Variants in HSP90B1 observed in about 807,000 individuals in gnomAD.
HSP90B1 encodes heat shock protein 90 beta family member 1.
A neutral mutation model predicts 100.4 loss-of-function variants in HSP90B1; 27 were observed. The ratio of observed to expected loss-of-function variants is 0.27; its 90% CI spans 0.20 to 0.37. The LOEUF (loss-of-function observed/expected upper bound fraction) is 0.37. Ranked by LOEUF, HSP90B1 falls within the 10% of genes least tolerant of loss-of-function variation. The pLI, the probability that HSP90B1 is intolerant of heterozygous loss-of-function variation, is 1.00. For missense variants in HSP90B1, 678 were observed against 960.5 expected (o/e 0.71, Z 3.89); for synonymous variants, 304 against 330.8 (o/e 0.92, Z 0.88).
chr12:103,941,574 G>T (rs773881030), intron 9 of HSP90B1, 27 bp downstream of exon 9: 1 of 1,613,794 alleles, frequency 6.2e-7, no homozygotes, highest in Non-Finnish European at 8.5e-7. Context: ...TACATGCTGC[G>T]TTTAAAATTT....
chr12:103,945,384 A>C (rs1417519567), intron 14 of HSP90B1, among the ~76,000 whole-genome samples: 2 of 152,218 alleles, frequency 1.3e-5, no homozygotes, highest in Non-Finnish European at 2.9e-5. Context: ...CAGGATAGGG[A>C]AGGATGTGGT....
chr12:103,931,595 T>A lies in HSP90B1; in HGVS notation c.124T>A (p.Ser42Thr). ...GGATCTGGGTAAAAGTAGAGAAGGA[T>A]CAAGGACGGATGATGAAGTAGTACA... ...EEDLGKSREG[S>T]RTDDEVVQRE... is the part of the protein sequence containing the mutation. Residue 42 changes from serine to threonine, a missense_variant, in exon 2 of 18, where the codon TCA becomes ACA. Around this residue, in one of 8 missense-constraint regions of HSP90B1, gnomAD observed 88 missense variants for 88.2 expected, o/e 1.00. Transcript: ENST00000299767. 1 of 1,613,420 alleles carries A rather than the reference T, an allele frequency of 6.2e-7. No homozygotes were observed. Among genetic ancestry groups the A allele is most frequent in the Non-Finnish European group, 8.5e-7 (1 of 1,179,420 alleles).
At chr12:103,942,142 A>G (rs1870098611) in intron 11 of HSP90B1, among the ~76,000 whole-genome samples, 1 of 152,230 alleles carries the variant, frequency 6.6e-6, no homozygotes. Flanking sequence ...ACATTTTGTC[A>G]TCTAGACACA....
In HSP90B1 at chr12:103,942,391, T is replaced by A. The variant is rs940391301; in HGVS notation, c.1375-136T>A. ...GCCCAATCTGAATGAATTGGAGTGC[T>A]TCACCATTTCCTGCCCCTCAATAAA... is the stretch of plus-strand genomic sequence containing the variant. On this transcript the variant is annotated intron_variant, in intron 11 of 17. Coordinates refer to ENST00000299767, the MANE Select transcript of HSP90B1 (RefSeq NM_003299.3). The A allele has an allele frequency of 5.3e-6, 4 of 757,696 alleles. No individual in the cohort carries two copies. In the Admixed American group the frequency reaches 1.1e-4, roughly 21 times the overall value. 46.9% of individuals were successfully genotyped at this position (757,696 alleles called of 1,614,324 possible).
rs149843361 is a variant in HSP90B1, at chr12:103,937,695, C to T, written c.744C>T (p.Thr248=). 6.6e-7 allele frequency: 1 copy of T among 1,519,824 alleles called. No homozygotes were observed. The highest frequency in any genetic ancestry group is 1.1e-5 in the South Asian group (1 of 87,994). The allele number at this position is 1,519,824 out of a possible 1,614,324, so 94.1% of individuals were successfully genotyped here. ...TCTAAACATCGAATTTTTCTTGCAG[C>T]CTTGTCTTAAAAGAAGAAGCATCTG... ...GNTLGRGTTI[T]LVLKEEASDY... Residue 248 remains threonine, a splice_region_variant and synonymous_variant, in exon 6 of 18, where the codon ACC becomes ACT. Transcript: ENST00000299767.
At chr12:103,946,205 A>T (rs1215777820) in intron 14 of HSP90B1, among the ~76,000 whole-genome samples, 1 of 151,992 alleles carries the variant, frequency 6.6e-6, no homozygotes, top group Middle Eastern at 3.2e-3. Flanking sequence ...TCCGAGGTTG[A>T]TTGACTCTGC....
Position 103,941,515 on chromosome 12 carries a change from G to C in HSP90B1, c.1198G>C (p.Glu400Gln), listed in dbSNP as rs374437641. Residue 400 changes from glutamate to glutamine, a missense_variant, in exon 9 of 18, where the codon GAA (glutamate) becomes CAA (glutamine). Physicochemically the swap from Glu to Gln is conservative, Grantham distance 29. Around this residue, in one of 8 missense-constraint regions of HSP90B1, gnomAD observed 44 missense variants for 110.8 expected, o/e 0.40. Coordinates refer to ENST00000299767, the MANE Select transcript of HSP90B1 (RefSeq NM_003299.3). ...PTSAPRGLFD[E>Q]YGSKKSDYIK... ...ATCTGCTCCACGTGGTCTGTTTGAC[G>C]AATATGGATCTAAAAAGAGCGATTA... The C allele has an allele frequency of 1.2e-6, 2 of 1,614,066 alleles. No homozygotes were observed. Among genetic ancestry groups the C allele is most frequent in the Non-Finnish European group, 1.7e-6 (2 of 1,179,978 alleles).
chr12:103,932,455 T>C, intron 3 of HSP90B1, 37 bp downstream of exon 3: 2 of 1,555,582 alleles, frequency 1.3e-6, no homozygotes, highest in African/African-American at 1.4e-5. Flanking sequence ...TATCTCTGTA[T>C]GGTGGCATAC....
At chr12:103,941,158 T>C (rs927093050) in intron 8 of HSP90B1, among the ~76,000 whole-genome samples, 2 of 152,228 alleles carry the variant, frequency 1.3e-5, no homozygotes, top group African/African-American at 4.8e-5. Context: ...TAGGAAATAA[T>C]GTTATTGACA....
In HSP90B1 at chr12:103,943,779, G is replaced by A. The variant is rs146313005; in HGVS notation, c.1932G>A (p.Pro644=). 1.0e-4 allele frequency: 163 copies of A among 1,613,900 alleles called. No homozygotes were observed. The African/African-American group carries it at 1.2e-3, about 12-fold the overall frequency. Residue 644 remains proline (P), a synonymous_variant, in exon 14 of 18, where the codon CCG becomes CCA. Coordinates refer to ENST00000299767, the MANE Select transcript of HSP90B1 (RefSeq NM_003299.3). This position sits in a 1 kb window ranked among gnomAD's most constrained non-coding sequence, Gnocchi z 5.3. ...TGTCTCAGCGCCTGACAGAATCTCC[G>A]TGTGCTTTGGTGGCCAGCCAGTACG... The part of the protein sequence containing the change: ...AVVSQRLTES[P]CALVASQYGW...
In HSP90B1 at chr12:103,931,466, T is replaced by G. The variant is rs1395006302; in HGVS notation, c.50-55T>G. The G allele has an allele frequency of 3.6e-6, 5 of 1,397,356 alleles. No individual in the cohort carries two copies. In the East Asian group the frequency reaches 1.1e-4, roughly 32 times the overall value. The allele number at this position is 1,397,356 out of a possible 1,614,324, so 86.6% of individuals were successfully genotyped here. A position where few individuals can be genotyped will look rare whatever the true frequency, so the allele number is the denominator to read the frequency against. ...GCAACCCCTACCCTTCCCTATTTGA[T>G]CATCCTCCTTGGAGAAGTGTGATGT... On this transcript the variant is annotated intron_variant, in intron 1 of 17. Transcript: ENST00000299767.
rs141949667 is a variant in HSP90B1, at chr12:103,943,773, A to T, written c.1926A>T (p.Glu642Asp). The T allele has an allele frequency of 1.8e-5, 29 of 1,614,006 alleles. No individual in the cohort carries two copies. The highest frequency in any genetic ancestry group is 2.1e-5 in the Non-Finnish European group (25 of 1,180,016). ...CTGTGGTGTCTCAGCGCCTGACAGA[A>T]TCTCCGTGTGCTTTGGTGGCCAGCC... ...EKAVVSQRLT[E>D]SPCALVASQY... The change falls in exon 14 of 18, where the codon GAA becomes GAT. Residue 642 changes from glutamate (E) to aspartate (D), a missense_variant. By Grantham distance (45) the Glu-to-Asp change is conservative. Around this residue, in one of 8 missense-constraint regions of HSP90B1, gnomAD observed 170 missense variants for 236.7 expected, o/e 0.72. Transcript: ENST00000299767. This position sits in a 1 kb window ranked among gnomAD's most constrained non-coding sequence, Gnocchi z 5.3.
intron 5 of HSP90B1, among the ~76,000 whole-genome samples, chr12:103,937,486 A>AG (rs1461738846): frequency 6.6e-6 from 1 of 152,218 alleles, no homozygotes; most frequent in Non-Finnish European, 1.5e-5. Flanking sequence ...TCTCCACTTG[A>AG]GGTAATGTAG....
At chr12:103,933,059 C>A (rs1869812310) in intron 4 of HSP90B1, 117 bp downstream of exon 4, 1 of 632,266 alleles carries the variant, frequency 1.6e-6, no homozygotes, top group Admixed American at 2.6e-5. Context: ...CCCCAAGTCT[C>A]AGTGGCTTGA....
At chr12:103,937,895 G>C (rs960549744) in intron 6 of HSP90B1, 89 bp downstream of exon 6, 2 of 677,560 alleles carry the variant, frequency 3.0e-6, no homozygotes. Flanking sequence ...AGGCCGGCGC[G>C]GTGGCTCATG....
At chr12:103,942,442 T>G in intron 11 of HSP90B1, 85 bp from the exon 12 acceptor site, 1 of 1,274,314 alleles carries the variant, frequency 7.8e-7, no homozygotes, top group South Asian at 1.4e-5. Context: ...CGTCTTTGTG[T>G]TTTTCACACT....
Position 103,943,663 on chromosome 12 carries a change from A to C in HSP90B1, c.1891-75A>C. ...TTATGATCTTAAGTGATAAAGTCTT[A>C]GACAGTTGAAAGACAATTGCTCAAT... On this transcript the variant is annotated intron_variant, in intron 13 of 17. Coordinates refer to ENST00000299767, the MANE Select transcript of HSP90B1 (RefSeq NM_003299.3). The surrounding 1 kb of genome is among the most constrained non-coding windows in gnomAD (Gnocchi z 5.3). The C allele has an allele frequency of 7.1e-7, 1 of 1,399,048 alleles. No homozygotes were observed. Among genetic ancestry groups the C allele is most frequent in the Non-Finnish European group, 9.9e-7 (1 of 1,014,390 alleles). 86.7% of individuals were successfully genotyped at this position (1,399,048 alleles called of 1,614,324 possible).
intron 8 of HSP90B1, 128 bp from the exon 9 acceptor site, chr12:103,941,282 C>T (rs558441875): frequency 1.2e-5 from 10 of 863,312 alleles, no homozygotes; most frequent in East Asian, 7.6e-5. Flanking sequence ...CCCCACCTCC[C>T]GCCAGTAAAG....
intron 6 of HSP90B1, chr12:103,938,116 AG>A (rs1209286703): frequency 4.7e-5 from 20 of 424,120 alleles, no homozygotes; most frequent in African/African-American, 4.2e-4. Flanking sequence ...GGTTGCAGTG[AG>A]CCAAGATCGC....
Sources: gnomAD v4.1 joint callset for allele counts (sites outside exome capture counted in the v4.1 genomes callset) on GRCh38, gnomAD v4.1.1 for gene constraint, gnomAD v4.1.1 regional missense constraint, Gnocchi (gnomAD v3.1) non-coding constraint, MANE v1.5 for transcripts, NCBI Gene and HGNC (gene_info 2026-07-23, HGNC 2026-07-21) for gene names.